Variants in STARD13 observed in about 807,000 individuals in gnomAD.
STARD13 encodes StAR related lipid transfer domain containing 13.
A neutral mutation model predicts 106.4 loss-of-function variants in STARD13; 62 were observed. The ratio of observed to expected loss-of-function variants is 0.58; its 90% CI spans 0.48 to 0.72. STARD13 has a LOEUF of 0.72. Among genes scored for constraint, STARD13 ranks in the 30% least tolerant of loss-of-function variants. STARD13 has a pLI of 0.00. For missense variants in STARD13, 1,387 were observed against 1,424.0 expected, an observed-to-expected ratio of 0.97 and a Z score of 0.42; for synonymous variants, 565 against 553.0, an observed-to-expected ratio of 1.02 and a Z score of -0.31.
chr13:33,256,349 C>T (rs116732093), intron 1 of STARD13, among the ~76,000 whole-genome samples: 1,975 of 152,308 alleles, frequency 0.013, 41 homozygotes, highest in African/African-American at 0.045. Flanking sequence ...TCCAGCCCTA[C>T]AGTCAGCAGT....
chr13:33,181,269 CAT>C (rs58364658), intron 1 of STARD13, among the ~76,000 whole-genome samples: 14,427 of 129,890 alleles, frequency 0.11, 1,308 homozygotes, highest in African/African-American at 0.25. Flanking sequence ...CTCACACATA[CAT>C]ACACACACAC....
At chr13:33,189,678 AGCTATTTC>A (rs1238518449) in intron 1 of STARD13, among the ~76,000 whole-genome samples, 2 of 151,804 alleles carry the variant, frequency 1.3e-5, no homozygotes, top group African/African-American at 4.8e-5. Context: ...CCCAGTTCAC[AGCTATTTC>A]GCTAATCAGA....
chr13:33,301,628 C>T (rs9537086), intron 1 of STARD13, among the ~76,000 whole-genome samples: 93,605 of 145,286 alleles, frequency 0.64, 32,260 homozygotes, highest in Middle Eastern at 0.77. Context: ...AGTACCGTGG[C>T]GTGATCTTGG....
intron 1 of STARD13, among the ~76,000 whole-genome samples, chr13:33,278,857 A>G (rs1189127093): frequency 6.6e-6 from 1 of 152,080 alleles, no homozygotes; most frequent in African/African-American, 2.4e-5. Flanking sequence ...TTCTCTTTTC[A>G]TCAGATTTAT....
intron 1 of STARD13, among the ~76,000 whole-genome samples, chr13:33,319,530 T>C (rs1893474873): frequency 6.6e-6 from 1 of 152,246 alleles, no homozygotes; most frequent in Admixed American, 6.5e-5. Context: ...GTATTTTATG[T>C]GAATTTTATC....
chr13:33,538,771 AT>A, the STARD13 span, among the ~76,000 whole-genome samples: 783 of 143,012 alleles, frequency 5.5e-3, 2 homozygotes, highest in African/African-American at 0.014. Flanking sequence ...AAACTATTTA[AT>A]TTTTTTTTTT....
the STARD13 span, among the ~76,000 whole-genome samples, chr13:33,409,319 C>T: frequency 6.6e-6 from 1 of 152,140 alleles, no homozygotes; most frequent in Non-Finnish European, 1.5e-5. Context: ...CTCGATTTTA[C>T]AGATAAGAAA....
the STARD13 span, among the ~76,000 whole-genome samples, chr13:33,406,938 G>T: frequency 6.6e-6 from 1 of 152,142 alleles, no homozygotes. Flanking sequence ...ATAAATTTTA[G>T]CAAGTAGATG....
chr13:33,177,755 G>A (rs1194236236), intron 1 of STARD13, among the ~76,000 whole-genome samples: 1 of 111,002 alleles, frequency 9.0e-6, no homozygotes, highest in African/African-American at 3.7e-5. Context: ...AGGAAAAAAG[G>A]AAGGAAGGAA....
the STARD13 span, among the ~76,000 whole-genome samples, chr13:33,365,011 C>T: frequency 6.6e-6 from 1 of 152,144 alleles, no homozygotes; most frequent in Non-Finnish European, 1.5e-5. Context: ...GGAGTAGGAA[C>T]AGAAACTGCG....
chr13:33,376,263 G>A, the STARD13 span, among the ~76,000 whole-genome samples: 2 of 152,140 alleles, frequency 1.3e-5, no homozygotes, highest in Middle Eastern at 3.2e-3. Flanking sequence ...TTTTGCAAAT[G>A]TCAATTATAT....
chr13:33,284,746 C>G (rs1023766929), intron 1 of STARD13, among the ~76,000 whole-genome samples: 2 of 149,692 alleles, frequency 1.3e-5, no homozygotes, highest in South Asian at 2.1e-4. Context: ...TTTTTTGAGA[C>G]TGGTAAATTT....
the STARD13 span, among the ~76,000 whole-genome samples, chr13:33,536,476 A>C: frequency 6.6e-6 from 1 of 152,236 alleles, no homozygotes; most frequent in Admixed American, 6.5e-5. Flanking sequence ...GAGTCTCCTG[A>C]ATCTGAGAAT....
intron 1 of STARD13, among the ~76,000 whole-genome samples, chr13:33,206,395 A>ACC (rs1332811723): frequency 6.7e-6 from 1 of 149,024 alleles, no homozygotes. Flanking sequence ...ACACACACAC[A>ACC]CCCATAAATA....
the STARD13 span, among the ~76,000 whole-genome samples, chr13:33,396,403 AAAG>A: frequency 0.022 from 3,336 of 151,666 alleles, 124 homozygotes; most frequent in African/African-American, 0.078. Context: ...TTGTATTTTC[AAAG>A]AAGGACTTCC....
chr13:33,291,934 G>A (rs55686775), intron 1 of STARD13, among the ~76,000 whole-genome samples: 19,866 of 152,072 alleles, frequency 0.13, 1,315 homozygotes, highest in Admixed American at 0.17. Context: ...TTAAGAAGAG[G>A]TCTTTAATCT....
the STARD13 span, among the ~76,000 whole-genome samples, chr13:33,500,088 A>T: frequency 1.3e-5 from 2 of 152,054 alleles, no homozygotes; most frequent in African/African-American, 2.4e-5. Context: ...CTATCATGAA[A>T]GTCCTACCCT....
At chr13:33,595,380 A>G in the STARD13 span, among the ~76,000 whole-genome samples, 1 of 152,202 alleles carries the variant, frequency 6.6e-6, no homozygotes, top group Admixed American at 6.5e-5. Flanking sequence ...AGCAATCCAC[A>G]TTGTCTCACT....
the STARD13 span, among the ~76,000 whole-genome samples, chr13:33,560,044 G>A: frequency 6.6e-6 from 1 of 151,510 alleles, no homozygotes; most frequent in African/African-American, 2.4e-5. Flanking sequence ...GTGGTATTTT[G>A]TAGTATAGCA....
Sources: gnomAD v4.1 joint callset for allele counts (sites outside exome capture counted in the v4.1 genomes callset) on GRCh38, gnomAD v4.1.1 for gene constraint, MANE v1.5 for transcripts, NCBI Gene and HGNC (gene_info 2026-07-23, HGNC 2026-07-21) for gene names.